Variants in STX18 observed in about 807,000 individuals in gnomAD.
STX18 encodes syntaxin 18, also known as syntaxin-18.
In STX18, 40 loss-of-function variants were observed where a neutral mutation model predicts 50.1. The observed-to-expected ratio is 0.80, with a 90% confidence interval of 0.62 to 1.04. The LOEUF (loss-of-function observed/expected upper bound fraction) is 1.04. STX18 is among the 50% of genes least tolerant of loss of function. The pLI is 0.00. For synonymous variants in STX18, 158 were observed against 151.8 expected (o/e 1.04, Z -0.30); for missense variants, 410 against 415.8 (o/e 0.99, Z 0.12).
In STX18 at chr4:4,430,554, T is replaced by G. The variant is rs1725466660; in HGVS notation, c.702+4216A>C. Among the ~76,000 whole-genome samples the G allele has an allele frequency of 3.3e-5, 5 of 152,246 alleles. No homozygotes were observed. In the South Asian group the frequency reaches 1.0e-3, roughly 31 times the overall value. Reference sequence around the variant, plus strand: ...TTCTGATTGCTTTAGTCATTGATACTACCATGCTAGAGCTACCAGTGTTAC... The same window carrying G: ...TTCTGATTGCTTTAGTCATTGATACGACCATGCTAGAGCTACCAGTGTTAC... On this transcript the variant is annotated intron_variant, in intron 7 of 10. Transcript: ENST00000306200.
intron 5 of STX18, chr4:4,453,557 A>C: frequency 2.1e-6 from 1 of 484,986 alleles, no homozygotes; most frequent in Non-Finnish European, 2.7e-6. Flanking sequence ...TGCACTGGGA[A>C]ACCAAAATGT....
chr4:4,439,259 T>A (rs541943664), intron 5 of STX18, among the ~76,000 whole-genome samples: 2 of 131,278 alleles, frequency 1.5e-5, no homozygotes, highest in Non-Finnish European at 3.1e-5. Context: ...TATATTCACA[T>A]ATACTCACCC....
At chr4:4,480,713 C>T (rs1220134320) in intron 1 of STX18, among the ~76,000 whole-genome samples, 1 of 152,132 alleles carries the variant, frequency 6.6e-6, no homozygotes, top group Non-Finnish European at 1.5e-5. Context: ...GTACAATAAA[C>T]TCCAAACATA....
intron 1 of STX18, among the ~76,000 whole-genome samples, chr4:4,482,655 T>C (rs571178646): frequency 1.3e-5 from 2 of 152,336 alleles, no homozygotes; most frequent in South Asian, 4.1e-4. Flanking sequence ...GAGCCTTTCC[T>C]TAAGCAAGCC....
intron 5 of STX18, among the ~76,000 whole-genome samples, chr4:4,456,215 G>A (rs1285488731): frequency 6.6e-6 from 1 of 151,788 alleles, no homozygotes; most frequent in African/African-American, 2.4e-5. Flanking sequence ...AGGAGGTCGT[G>A]CCACTGCACT....
chr4:4,515,765 A>G (rs951140579), intron 1 of STX18, among the ~76,000 whole-genome samples: 4 of 152,194 alleles, frequency 2.6e-5, no homozygotes, highest in African/African-American at 9.6e-5. Flanking sequence ...AGCACATAAA[A>G]AAGAGTTATA....
chr4:4,497,572 T>G (rs1349431852), intron 1 of STX18, among the ~76,000 whole-genome samples: 1 of 152,216 alleles, frequency 6.6e-6, no homozygotes, highest in East Asian at 1.9e-4. Context: ...TGTCATTATT[T>G]TATACATGAG....
intron 1 of STX18, among the ~76,000 whole-genome samples, chr4:4,528,406 A>G (rs551065460): frequency 1.3e-5 from 2 of 152,216 alleles, no homozygotes; most frequent in Admixed American, 1.3e-4. Flanking sequence ...CTTGTTTAAA[A>G]GAGTCTGGGA....
chr4:4,437,398 C>A (rs1663565255), intron 6 of STX18, among the ~76,000 whole-genome samples: 1 of 152,214 alleles, frequency 6.6e-6, no homozygotes, highest in Non-Finnish European at 1.5e-5. Flanking sequence ...AATCACATCC[C>A]TGAAACTTAT....
intron 1 of STX18, among the ~76,000 whole-genome samples, chr4:4,516,165 A>G (rs1730258419): frequency 6.6e-6 from 1 of 152,254 alleles, no homozygotes; most frequent in Non-Finnish European, 1.5e-5. Flanking sequence ...AACACAGTCT[A>G]TAATTACTGG....
chr4:4,527,007 CTTAAT>C (rs1371139654), intron 1 of STX18, among the ~76,000 whole-genome samples: 4 of 152,116 alleles, frequency 2.6e-5, no homozygotes, highest in Non-Finnish European at 2.9e-5. Context: ...TCTTCCTTCT[CTTAAT>C]TTAATTTTGA....
intron 7 of STX18, among the ~76,000 whole-genome samples, chr4:4,431,899 A>T (rs111351658): frequency 2.4e-4 from 37 of 152,214 alleles, no homozygotes; most frequent in African/African-American, 8.9e-4. Context: ...ACTGCTTGGA[A>T]TCCCTGCGGC....
chr4:4,419,870 G>A lies in STX18; in HGVS notation c.*164C>T. 1.6e-6 allele frequency: 1 copy of A among 631,988 alleles called. No individual in the cohort carries two copies. The highest frequency in any genetic ancestry group is 1.9e-5 in the South Asian group (1 of 51,598). The allele number at this position is 631,988 out of a possible 1,614,324, so 39.1% of individuals were successfully genotyped here. A position where few individuals can be genotyped will look rare whatever the true frequency, so the allele number is the denominator to read the frequency against. On this transcript the variant is annotated 3_prime_UTR_variant, in exon 11 of 11. Transcript: ENST00000306200. ...AAATGGCTGAACACCATCGGCCTGG[G>A]GTATCCCTTTTTGGGGAATACGTCT...
intron 6 of STX18, among the ~76,000 whole-genome samples, chr4:4,436,678 T>A (rs1301889606): frequency 1.3e-5 from 2 of 152,178 alleles, no homozygotes; most frequent in African/African-American, 4.8e-5. Context: ...GCACCCACCA[T>A]GCCAGTCCTC....
intron 7 of STX18, among the ~76,000 whole-genome samples, chr4:4,427,239 A>C (rs1413850170): frequency 6.6e-6 from 1 of 152,108 alleles, no homozygotes; most frequent in Admixed American, 6.5e-5. Context: ...GAAAACGGGG[A>C]AGGGGCAAAG....
intron 5 of STX18, among the ~76,000 whole-genome samples, chr4:4,450,924 A>G (rs905649178): frequency 6.6e-6 from 1 of 152,216 alleles, no homozygotes; most frequent in Non-Finnish European, 1.5e-5. Context: ...CAAGTTTCCA[A>G]TTTAAAAGGA....
chr4:4,476,812 C>G (rs185650996), intron 1 of STX18, among the ~76,000 whole-genome samples: 1 of 152,104 alleles, frequency 6.6e-6, no homozygotes, highest in Non-Finnish European at 1.5e-5. Context: ...CTGAGTTGCT[C>G]AAGGCTGAAG....
chr4:4,491,765 G>A (rs1347031506), intron 1 of STX18, among the ~76,000 whole-genome samples: 6 of 152,018 alleles, frequency 3.9e-5, no homozygotes, highest in African/African-American at 1.2e-4. Flanking sequence ...GGGATCTAGC[G>A]CAGCCACAGT....
chr4:4,470,076 G>T (rs6857666), intron 2 of STX18, among the ~76,000 whole-genome samples: 41,595 of 152,058 alleles, frequency 0.27, 6,513 homozygotes, highest in African/African-American at 0.43. Context: ...GAATGCAAAC[G>T]CCATGAGGGC....
Sources: allele counts gnomAD v4.1 joint callset (sites outside exome capture counted in the v4.1 genomes callset), GRCh38; gene constraint gnomAD v4.1.1; transcripts MANE v1.5; gene names NCBI Gene and HGNC (gene_info 2026-07-23, HGNC 2026-07-21).